The following COL25A1 variants were observed in gnomAD, a reference collection of about 807,000 sequenced individuals.
COL25A1 encodes collagen type XXV alpha 1 chain, also known as collagen alpha-1(XXV) chain.
Under a neutral mutation model 128.4 loss-of-function variants are expected in COL25A1, and 103 were observed. That is an observed-to-expected ratio of 0.80 (90% confidence interval 0.68 to 0.94). The LOEUF (loss-of-function observed/expected upper bound fraction) is 0.94, where lower values mean the gene tolerates loss of function less well. Among genes scored for constraint, COL25A1 ranks in the 40% least tolerant of loss-of-function variants. The probability of loss-of-function intolerance (pLI) is 0.00; values close to 1 mark genes in which losing one functional copy is unlikely to be tolerated. For missense variants in COL25A1, 745 were observed against 840.0 expected (o/e 0.89, Z 1.40); for synonymous variants, 279 against 277.2 (o/e 1.01, Z -0.06).
intron 3 of COL25A1, among the ~76,000 whole-genome samples, chr4:109,105,615 G>A (rs1766355974): frequency 6.6e-6 from 1 of 152,108 alleles, no homozygotes; most frequent in Non-Finnish European, 1.5e-5. Flanking sequence ...ATATGTAATG[G>A]AAAGAACAGA....
At position 109,049,657 on chromosome 4, in the gene COL25A1, G is replaced by A. The variant is rs189304100; in HGVS notation, c.412+478C>T. On this transcript the variant is annotated intron_variant, in intron 4 of 37. Transcript: ENST00000399132. ...TAAAACATTCCCAAATTTTGAAAAC[G>A]GTAAGAGTAAAAGCATGACAGAATT... 9.6e-4 allele frequency among the ~76,000 whole-genome samples: 146 copies of A among 152,246 alleles called. 2 individuals are homozygous for A. The highest frequency in any genetic ancestry group is 5.1e-3 in the Admixed American group (78 of 15,290).
intron 11 of COL25A1, among the ~76,000 whole-genome samples, chr4:108,929,393 G>A (rs189388143): frequency 3.9e-5 from 6 of 152,040 alleles, no homozygotes; most frequent in Admixed American, 2.0e-4. Context: ...CAAAGTGCTG[G>A]GATTGCAGGC....
chr4:109,150,038 ATGTG>A (rs774238777), intron 3 of COL25A1, among the ~76,000 whole-genome samples: 5 of 149,546 alleles, frequency 3.3e-5, no homozygotes, highest in African/African-American at 4.9e-5. Context: ...ATGTGTATGT[ATGTG>A]TGTATGTGTG....
intron 6 of COL25A1, among the ~76,000 whole-genome samples, chr4:108,984,630 A>C (rs1753453730): frequency 6.6e-6 from 1 of 152,298 alleles, no homozygotes; most frequent in Non-Finnish European, 1.5e-5. Context: ...AGGTGGGGCC[A>C]GCCGGCCGCT....
chr4:108,896,554 C>T (rs1742174004), intron 16 of COL25A1, 113 bp downstream of exon 16: 3 of 816,474 alleles, frequency 3.7e-6, no homozygotes, highest in Non-Finnish European at 6.3e-6. Flanking sequence ...TGATCTCTGA[C>T]CTTTTCATAT....
intron 3 of COL25A1, among the ~76,000 whole-genome samples, chr4:109,129,052 G>A (rs909656174): frequency 5.3e-5 from 8 of 152,138 alleles, no homozygotes; most frequent in Admixed American, 4.6e-4. Flanking sequence ...AGCTCTTCAG[G>A]TGATCCTGAT....
chr4:109,081,167 T>A (rs1030006003), intron 3 of COL25A1, among the ~76,000 whole-genome samples: 3 of 152,196 alleles, frequency 2.0e-5, no homozygotes, highest in African/African-American at 7.2e-5. Context: ...GTATGTTTTA[T>A]GCTTGACCGG....
In COL25A1 at chr4:109,167,107, T is replaced by C. The variant is rs192334045; in HGVS notation, c.368-116928A>G. Among the ~76,000 whole-genome samples, 345 of 152,288 alleles carry C rather than the reference T, an allele frequency of 2.3e-3. 1 individual carries two copies. The highest frequency in any genetic ancestry group is 7.6e-3 in the African/African-American group (317 of 41,574). On this transcript the variant is annotated intron_variant, in intron 3 of 37. Coordinates refer to ENST00000399132, the MANE Select transcript of COL25A1 (RefSeq NM_198721.4). ...ATAAAATTGAGTGAAAATGAGAACA[T>C]TGCCCTGTTAGACAAATGTTCGTGA...
At chr4:109,159,651 T>C (rs1452242169) in intron 3 of COL25A1, among the ~76,000 whole-genome samples, 2 of 152,184 alleles carry the variant, frequency 1.3e-5, no homozygotes, top group Non-Finnish European at 2.9e-5. Context: ...ATGAAGAACA[T>C]TAATCATGAA....
At chr4:109,130,002 T>TAAAAAAAAAAAA (rs35187548) in intron 3 of COL25A1, among the ~76,000 whole-genome samples, 2 of 138,696 alleles carry the variant, frequency 1.4e-5, no homozygotes, top group Non-Finnish European at 1.6e-5. Flanking sequence ...AAAGTATAAT[T>TAAAAAAAAAAAA]AAAAAAAAAA....
In COL25A1 at chr4:108,974,385, T is replaced by C. The variant is rs749195131; in HGVS notation, c.474A>G (p.Gln158=). The C allele has an allele frequency of 6.2e-6, 10 of 1,613,870 alleles. No individual in the cohort carries two copies. Among genetic ancestry groups the C allele is most frequent in the Non-Finnish European group, 8.5e-6 (10 of 1,179,912 alleles). ...PPGPKGDKGE[Q]GDQGPRMVFP... ...AACTTACCCTAGGTCCCTGATCACC[T>C]TGTTCTCCCTGTAGAATAGAAAGGT... The change falls in exon 8 of 38, where the codon CAA becomes CAG. Residue 158 remains glutamine, a synonymous_variant. Transcript: ENST00000399132.
chr4:108,832,255 T>C (rs1733212349), intron 32 of COL25A1, 125 bp downstream of exon 32: 1 of 654,596 alleles, frequency 1.5e-6, no homozygotes, highest in Admixed American at 3.3e-5. Context: ...TAGGATGGTA[T>C]CTCTTTTTAT....
At chr4:109,042,686 TATA>T (rs1193048660) in intron 5 of COL25A1, among the ~76,000 whole-genome samples, 6 of 152,060 alleles carry the variant, frequency 3.9e-5, no homozygotes, top group East Asian at 3.8e-4. Flanking sequence ...TTTTAAATAT[TATA>T]ATAAGTAGGA....
At chr4:108,956,289 C>A (rs1750066637) in intron 8 of COL25A1, among the ~76,000 whole-genome samples, 1 of 152,086 alleles carries the variant, frequency 6.6e-6, no homozygotes, top group African/African-American at 2.4e-5. Context: ...GAAATCTGAA[C>A]TGAAAATCAA....
At chr4:109,297,862 C>CTTTTTTTTTT (rs35099153) in intron 3 of COL25A1, among the ~76,000 whole-genome samples, 10 of 63,854 alleles carry the variant, frequency 1.6e-4, no homozygotes, top group East Asian at 1.0e-3. Context: ...TTTTCCTTTT[C>CTTTTTTTTTT]TTTTTTTTTT....
intron 13 of COL25A1, among the ~76,000 whole-genome samples, chr4:108,913,036 A>T (rs1261558475): frequency 6.6e-6 from 1 of 152,088 alleles, no homozygotes; most frequent in African/African-American, 2.4e-5. Context: ...AACTCTAGAA[A>T]GCACTTAAAA....
At chr4:109,058,339 A>G (rs1264846731) in intron 3 of COL25A1, among the ~76,000 whole-genome samples, 1 of 152,194 alleles carries the variant, frequency 6.6e-6, no homozygotes, top group Non-Finnish European at 1.5e-5. Flanking sequence ...GTTGGGAAAT[A>G]GGAAAGATAT....
chr4:108,916,524 A>C (rs1474916853), intron 13 of COL25A1, among the ~76,000 whole-genome samples: 1 of 152,218 alleles, frequency 6.6e-6, no homozygotes, highest in East Asian at 1.9e-4. Flanking sequence ...CAAAGCTGAA[A>C]AATGAAAAGA....
At chr4:108,973,967 AC>A (rs1426303500) in intron 8 of COL25A1, among the ~76,000 whole-genome samples, 1 of 152,266 alleles carries the variant, frequency 6.6e-6, no homozygotes, top group Non-Finnish European at 1.5e-5. Flanking sequence ...CTGTAAAAAA[AC>A]ATTTATGCAA....
Sources: gnomAD v4.1 joint callset for allele counts (sites outside exome capture counted in the v4.1 genomes callset) on GRCh38, gnomAD v4.1.1 for gene constraint, MANE v1.5 for transcripts, NCBI Gene and HGNC (gene_info 2026-07-23, HGNC 2026-07-21) for gene names.